TMEM178B: variants seen among roughly 807,000 people sequenced by gnomAD.
The protein encoded by TMEM178B is transmembrane protein 178B.
TMEM178B carries 5 observed loss-of-function variants against 31.0 expected under a neutral mutation model. The observed-to-expected ratio is 0.16, with a 90% CI of 0.08 to 0.34. The LOEUF (loss-of-function observed/expected upper bound fraction) is 0.34. Ranked by LOEUF, TMEM178B falls within the 10% of genes least tolerant of loss-of-function variation. The pLI, the probability that TMEM178B is intolerant of heterozygous loss-of-function variation, is 1.00. For missense variants in TMEM178B, 275 were observed against 400.3 expected, an observed-to-expected ratio of 0.69 and a Z score of 2.67; for synonymous variants, 164 against 164.0, an observed-to-expected ratio of 1.00 and a Z score of 0.00.
intron 2 of TMEM178B, among the ~76,000 whole-genome samples, chr7:141,384,309 A>G (rs1374819878): frequency 6.6e-6 from 1 of 152,142 alleles, no homozygotes; most frequent in African/African-American, 2.4e-5. Context: ...TGTGTCCTGA[A>G]TGGTATTGCC....
At chr7:141,482,057 T>G (rs1246138581), downstream of TMEM178B, among the ~76,000 whole-genome samples, 2 of 152,200 alleles carry the variant, frequency 1.3e-5, no homozygotes, top group African/African-American at 4.8e-5. Context: ...TCTGTTCTCC[T>G]TTTTCCAATG....
intron 2 of TMEM178B, among the ~76,000 whole-genome samples, chr7:141,300,722 C>G (rs1798709461): frequency 6.6e-6 from 1 of 152,146 alleles, no homozygotes; most frequent in South Asian, 2.1e-4. Flanking sequence ...TTGACCTACA[C>G]AGGATAGCAC....
At chr7:141,340,437 C>A (rs1322978144) in intron 2 of TMEM178B, among the ~76,000 whole-genome samples, 1 of 152,106 alleles carries the variant, frequency 6.6e-6, no homozygotes, top group Admixed American at 6.5e-5. Context: ...ATCTATAAAT[C>A]TTGTTATTAT....
At chr7:141,232,687 C>T (rs1413895106) in intron 2 of TMEM178B, among the ~76,000 whole-genome samples, 1 of 152,190 alleles carries the variant, frequency 6.6e-6, no homozygotes, top group Non-Finnish European at 1.5e-5. Flanking sequence ...ACCTTAGAGG[C>T]TCAGCTTCCT....
chr7:141,271,474 A>C (rs1798180093), intron 2 of TMEM178B, among the ~76,000 whole-genome samples: 1 of 152,184 alleles, frequency 6.6e-6, no homozygotes, highest in Non-Finnish European at 1.5e-5. Flanking sequence ...TCCATTTCTC[A>C]TGCTCATCAT....
intron 2 of TMEM178B, among the ~76,000 whole-genome samples, chr7:141,370,098 A>G (rs1800087676): frequency 6.9e-6 from 1 of 145,304 alleles, no homozygotes; most frequent in Admixed American, 7.0e-5. Flanking sequence ...CTCCAGTGGA[A>G]CCGGGAGGAA....
chr7:141,129,091 G>A (rs1260487422), intron 1 of TMEM178B, among the ~76,000 whole-genome samples: 1 of 152,240 alleles, frequency 6.6e-6, no homozygotes, highest in Non-Finnish European at 1.5e-5. Context: ...CCCTAGGATA[G>A]TGGGTTACAT....
intron 2 of TMEM178B, among the ~76,000 whole-genome samples, chr7:141,348,100 G>A (rs1425968468): frequency 6.6e-6 from 1 of 152,172 alleles, no homozygotes. Flanking sequence ...GATTTTATCA[G>A]CCAGGTTATT....
intron 2 of TMEM178B, among the ~76,000 whole-genome samples, chr7:141,289,805 C>T (rs755630982): frequency 9.9e-5 from 15 of 151,736 alleles, no homozygotes; most frequent in South Asian, 4.2e-4. Context: ...ACAAGGAGAG[C>T]AGCCTGACCC....
chr7:141,486,599 G>A, the TMEM178B span, among the ~76,000 whole-genome samples: 1 of 152,164 alleles, frequency 6.6e-6, no homozygotes, highest in Non-Finnish European at 1.5e-5. Flanking sequence ...TTGGCAATGT[G>A]CTATATAGGG....
At chr7:141,104,434 C>T (rs967555584) in intron 1 of TMEM178B, among the ~76,000 whole-genome samples, 31 of 152,122 alleles carry the variant, frequency 2.0e-4, no homozygotes, top group African/African-American at 7.2e-4. Context: ...AGGGCAAAGC[C>T]GGGATTCTTT....
At chr7:141,293,195 G>GA (rs1420274182) in intron 2 of TMEM178B, among the ~76,000 whole-genome samples, 1 of 152,146 alleles carries the variant, frequency 6.6e-6, no homozygotes. Flanking sequence ...AAAGATACAA[G>GA]ACCTGACTTT....
At chr7:141,426,802 C>T (rs868444909) in intron 2 of TMEM178B, among the ~76,000 whole-genome samples, 1 of 152,042 alleles carries the variant, frequency 6.6e-6, no homozygotes, top group Admixed American at 6.5e-5. Context: ...ACCCTAAACA[C>T]TCCATTAAAA....
At chr7:141,131,912 T>C (rs1795601605) in intron 1 of TMEM178B, among the ~76,000 whole-genome samples, 1 of 152,204 alleles carries the variant, frequency 6.6e-6, no homozygotes, top group Non-Finnish European at 1.5e-5. Context: ...ACCAACAATA[T>C]AGGAAAGTTG....
intron 2 of TMEM178B, among the ~76,000 whole-genome samples, chr7:141,299,055 G>A (rs1798681796): frequency 6.6e-6 from 1 of 152,116 alleles, no homozygotes; most frequent in African/African-American, 2.4e-5. Flanking sequence ...GATGTCACTG[G>A]AAAAGATCTA....
At chr7:141,097,632 A>T (rs938948718) in intron 1 of TMEM178B, among the ~76,000 whole-genome samples, 1 of 151,628 alleles carries the variant, frequency 6.6e-6, no homozygotes, top group African/African-American at 2.4e-5. Context: ...ATGGTCCTGA[A>T]ATCTTTAGCA....
At chr7:141,391,011 G>T (rs751431406) in intron 2 of TMEM178B, among the ~76,000 whole-genome samples, 1 of 152,150 alleles carries the variant, frequency 6.6e-6, no homozygotes, top group Non-Finnish European at 1.5e-5. Flanking sequence ...AAGTGAATGC[G>T]ATTTGACAGA....
At chr7:141,194,627 C>T (rs1233124731) in intron 1 of TMEM178B, among the ~76,000 whole-genome samples, 1 of 152,138 alleles carries the variant, frequency 6.6e-6, no homozygotes, top group African/African-American at 2.4e-5. Flanking sequence ...TTTCTAGGTG[C>T]ACGATGCAAG....
chr7:141,077,026 A>G (rs1324164064), intron 1 of TMEM178B, among the ~76,000 whole-genome samples: 1 of 152,240 alleles, frequency 6.6e-6, no homozygotes, highest in Non-Finnish European at 1.5e-5. Context: ...CTGAGCAGCA[A>G]TAGACACATT....
Sources: gnomAD v4.1 joint callset for allele counts (sites outside exome capture counted in the v4.1 genomes callset) on GRCh38, gnomAD v4.1.1 for gene constraint, MANE v1.5 for transcripts, NCBI Gene and HGNC (gene_info 2026-07-23, HGNC 2026-07-21) for gene names.